The following PATZ1 variants were observed in gnomAD, a reference collection of about 807,000 sequenced individuals.
The protein encoded by PATZ1 is POZ/BTB and AT hook containing zinc finger 1, also known as POZ-, AT hook-, and zinc finger-containing protein 1.
In PATZ1, 9 loss-of-function variants were observed where a neutral mutation model predicts 46.2. The ratio of observed to expected loss-of-function variants is 0.19; its 90% CI spans 0.12 to 0.34. PATZ1 has a LOEUF of 0.34. Ranked by LOEUF, PATZ1 falls within the 10% of genes least tolerant of loss-of-function variation. The pLI is 1.00. For synonymous variants in PATZ1, 426 were observed against 378.6 expected, an observed-to-expected ratio of 1.13 and a Z score of -1.45; for missense variants, 632 against 923.0, an observed-to-expected ratio of 0.68 and a Z score of 4.08.
chr22:31,340,537 G>T, intron 2 of PATZ1: 1 of 281,760 alleles, frequency 3.5e-6, no homozygotes, highest in Non-Finnish European at 5.6e-6. Context: ...GGGAGTTGTG[G>T]CTGTAGGGCT....
chr22:31,340,256 G>A (rs2145824817), intron 2 of PATZ1, among the ~76,000 whole-genome samples: 1 of 152,318 alleles, frequency 6.6e-6, no homozygotes, highest in East Asian at 1.9e-4. Context: ...ACATTCAGAT[G>A]GCCTTTCTAC....
chr22:31,343,409 A>C, intron 1 of PATZ1: 1 of 988,512 alleles, frequency 1.0e-6, no homozygotes, highest in Non-Finnish European at 1.2e-6. Flanking sequence ...ACCCGGATGG[A>C]ATTCAGTCCC....
At chr22:31,341,082 T>A in intron 2 of PATZ1, 2 of 1,103,390 alleles carry the variant, frequency 1.8e-6, no homozygotes, top group Non-Finnish European at 2.2e-6. Context: ...GGGAAGCAGA[T>A]AAGCTGGTGG....
chr22:31,340,047 A>G (rs899000711), intron 2 of PATZ1, among the ~76,000 whole-genome samples: 5 of 152,160 alleles, frequency 3.3e-5, no homozygotes, highest in Non-Finnish European at 7.3e-5. Flanking sequence ...CCAGCCCCCA[A>G]GAAGTGGAGC....
intron 2 of PATZ1, chr22:31,341,417 C>A: frequency 6.4e-7 from 1 of 1,553,244 alleles, no homozygotes; most frequent in South Asian, 1.2e-5. Flanking sequence ...AGCCAACAGG[C>A]CACTGGGTAA....
In PATZ1 at chr22:31,326,595, G is replaced by C; in HGVS notation, c.*296C>G. On this transcript the variant is annotated 3_prime_UTR_variant, in exon 5 of 5. Transcript: ENST00000266269. ...TAAGAATTGAGCACCAGGAATTCCAGCTTCTTCCCATTAAAGAAACTGGGA... is the reference window on the plus strand; with the variant it reads ...TAAGAATTGAGCACCAGGAATTCCACCTTCTTCCCATTAAAGAAACTGGGA... The C allele has an allele frequency of 2.9e-6, 1 of 340,054 alleles. No homozygotes were observed. Among genetic ancestry groups the C allele is most frequent in the South Asian group, 6.2e-5 (1 of 16,062 alleles). The allele number at this position is 340,054 out of a possible 1,614,324, so 21.1% of individuals were successfully genotyped here.
At chr22:31,341,713 C>G (rs1354500781) in intron 2 of PATZ1, 1 of 1,575,622 alleles carries the variant, frequency 6.3e-7, no homozygotes, top group Non-Finnish European at 8.6e-7. Context: ...TGCAGGTTAC[C>G]CCCCCAGGCC....
intron 2 of PATZ1, chr22:31,337,775 C>CT (rs1472749495): frequency 6.6e-6 from 1 of 152,224 alleles, no homozygotes; most frequent in African/African-American, 2.4e-5. Flanking sequence ...TGCCATCTCT[C>CT]TTTAACAGAA....
At chr22:31,330,537 C>T (rs1398314012) in intron 3 of PATZ1, among the ~76,000 whole-genome samples, 3 of 152,146 alleles carry the variant, frequency 2.0e-5, no homozygotes, top group Admixed American at 6.5e-5. Context: ...GTAACCTGGT[C>T]ACACGTACAG....
At chr22:31,343,775 A>C (rs1399457154) in intron 1 of PATZ1, among the ~76,000 whole-genome samples, 1 of 152,180 alleles carries the variant, frequency 6.6e-6, no homozygotes, top group African/African-American at 2.4e-5. Flanking sequence ...AGCAGATCAA[A>C]GCTTTTGGTG....
intron 2 of PATZ1, chr22:31,341,239 AC>A (rs2049576464): frequency 7.3e-7 from 1 of 1,377,874 alleles, no homozygotes; most frequent in Non-Finnish European, 9.3e-7. Context: ...GCTCCTTGCT[AC>A]CCCCATTTGG....
At chr22:31,343,915 G>A (rs568999496) in intron 1 of PATZ1, among the ~76,000 whole-genome samples, 1 of 152,282 alleles carries the variant, frequency 6.6e-6, no homozygotes, top group South Asian at 2.1e-4. Flanking sequence ...CAAGAGTGTA[G>A]GGAGTCCCAG....
chr22:31,332,819 C>T (rs562833587), intron 3 of PATZ1, among the ~76,000 whole-genome samples: 3 of 152,214 alleles, frequency 2.0e-5, no homozygotes, highest in Non-Finnish European at 4.4e-5. Flanking sequence ...CTGTCAAAGG[C>T]GGATTCCTGA....
At chr22:31,332,775 C>T (rs965144367) in intron 3 of PATZ1, among the ~76,000 whole-genome samples, 3 of 152,250 alleles carry the variant, frequency 2.0e-5, no homozygotes, top group African/African-American at 7.2e-5. Flanking sequence ...GCTTCCTCTA[C>T]CTTTCAAGCA....
At chr22:31,342,164 C>T (rs984675199) in intron 2 of PATZ1, among the ~76,000 whole-genome samples, 9 of 152,166 alleles carry the variant, frequency 5.9e-5, no homozygotes, top group South Asian at 2.1e-4. Context: ...CAGGAAGGCT[C>T]AGTGGCCAGG....
At chr22:31,337,877 G>A (rs1265809340) in intron 2 of PATZ1, 1 of 152,162 alleles carries the variant, frequency 6.6e-6, no homozygotes, top group African/African-American at 2.4e-5. Context: ...TACAGCCATA[G>A]CAAGAAACAA....
chr22:31,336,805 CAAAAA>C (rs747328196), intron 2 of PATZ1, among the ~76,000 whole-genome samples: 3 of 64,524 alleles, frequency 4.6e-5, no homozygotes, highest in East Asian at 3.6e-4. Context: ...GACTTCCTCT[CAAAAA>C]AAAAAAAAAA....
At position 31,335,723 on chromosome 22, in the gene PATZ1, C is replaced by T. The variant is rs746336667; in HGVS notation, c.1476G>A (p.Gly492=). ...TACAGATACTGCAGAAGTTGCTGGG[C>T]CCCTCGCTGTGCTTCTTCAGGTGGT... ...MADHLKKHSE[G]PSNFCSICNR... is the part of the protein sequence containing the mutation. Residue 492 remains glycine (G), a synonymous_variant, in exon 3 of 5, where the codon GGG becomes GGA. Coordinates refer to ENST00000266269, the MANE Select transcript of PATZ1 (RefSeq NM_014323.3). 6.2e-6 allele frequency: 10 copies of T among 1,614,010 alleles called. No individual in the cohort carries two copies. In the African/African-American group the frequency reaches 1.2e-4, roughly 19 times the overall value.
rs762685486 is a variant in PATZ1 at position 31,344,955 on chromosome 22, A to G, written c.648T>C (p.Ala216=). The change falls in exon 1 of 5, where the codon GCT becomes GCC. Residue 216 remains alanine (A), a synonymous_variant. Transcript: ENST00000266269. ...MQPEEEAARA[A]GAAIAGQASL... is the part of the protein sequence containing the mutation. ...AGGCTTGGCCTGCAATGGCTGCACC[A>G]GCCGCCCGAGCTGCCTCCTCCTCTG... The G allele has an allele frequency of 2.5e-6, 4 of 1,613,612 alleles. No individual in the cohort carries two copies. In the African/African-American group the frequency reaches 5.3e-5, roughly 22 times the overall value.
Sources: gnomAD v4.1 joint callset for allele counts (sites outside exome capture counted in the v4.1 genomes callset) on GRCh38, gnomAD v4.1.1 for gene constraint, MANE v1.5 for transcripts, NCBI Gene and HGNC (gene_info 2026-07-23, HGNC 2026-07-21) for gene names.